The following FOXN4 variants were observed in gnomAD, a reference collection of about 807,000 sequenced individuals.
FOXN4 encodes forkhead box protein N4.
A neutral mutation model predicts 45.0 loss-of-function variants in FOXN4; 12 were observed. The ratio of observed to expected loss-of-function variants is 0.27; its 90% CI spans 0.17 to 0.43. The LOEUF (loss-of-function observed/expected upper bound fraction) is 0.43. FOXN4 is among the 20% of genes least tolerant of loss of function. The probability of loss-of-function intolerance (pLI) is 1.00; values close to 1 mark genes in which losing one functional copy is unlikely to be tolerated. For synonymous variants in FOXN4, 297 were observed against 295.0 expected, an observed-to-expected ratio of 1.01 and a Z score of -0.07; for missense variants, 560 against 694.9, an observed-to-expected ratio of 0.81 and a Z score of 2.18.
Position 109,285,276 on chromosome 12 carries a change from C to CGTGTGTGTGT in FOXN4, c.901+27_901+28insACACACACAC, listed in dbSNP as rs1565998536. 1.7e-6 allele frequency: 2 copies of CGTGTGTGTGT among 1,193,504 alleles called. 1 individual carries two copies. Among genetic ancestry groups the CGTGTGTGTGT allele is most frequent in the Non-Finnish European group, 2.3e-6 (2 of 858,322 alleles). 73.9% of individuals were successfully genotyped at this position (1,193,504 alleles called of 1,614,324 possible). ...GTGTGTGTGTGTGTGTGTGTGTGTGCGCGCACTGCGGGCTGTCCGGCCCTC... is the reference window on the plus strand; with the variant it reads ...GTGTGTGTGTGTGTGTGTGTGTGTGCGTGTGTGTGTGCGCACTGCGGGCTGTCCGGCCCTC... On this transcript the variant is annotated intron_variant, in intron 8 of 9. Transcript: ENST00000299162.
chr12:109,290,286 C>G lies in FOXN4; in HGVS notation c.87G>C (p.Arg29Ser). 1.3e-6 allele frequency: 2 copies of G among 1,546,310 alleles called. No individual in the cohort carries two copies. The highest frequency in any genetic ancestry group is 2.4e-5 in the South Asian group (2 of 83,250). The change falls in exon 3 of 10, where the codon AGG becomes AGC. Residue 29 changes from arginine (R) to serine (S), a missense_variant and splice_region_variant. Physicochemically the swap from Arg to Ser is moderately radical, Grantham distance 110. Transcript: ENST00000299162. The surrounding 1 kb of genome is among the most constrained non-coding windows in gnomAD (Gnocchi z 5.1). ...CATCATCGCTGGTGGTGGCTAGAAG[C>G]CTGCAAAGAGGAACAGAGAACTCGG... ...QNHHPSPQEY[R>S]LLATTSDDDL...
Position 109,279,540 on chromosome 12 carries a change from C to T in FOXN4, c.*131G>A, listed in dbSNP as rs1282518246. On this transcript the variant is annotated 3_prime_UTR_variant, in exon 10 of 10. Coordinates refer to ENST00000299162, the MANE Select transcript of FOXN4 (RefSeq NM_213596.3). ...GAGGGGAACCGCTTCCCTGTCCAGCCGGCAACTTCGCCACAGGTCCAGGAG... is the reference window on the plus strand; with the variant it reads ...GAGGGGAACCGCTTCCCTGTCCAGCTGGCAACTTCGCCACAGGTCCAGGAG... 14 of 1,380,858 alleles carry T rather than the reference C, an allele frequency of 1.0e-5. No individual in the cohort carries two copies. Among genetic ancestry groups the T allele is most frequent in the South Asian group, 4.3e-5 (3 of 69,908 alleles). 85.5% of individuals were successfully genotyped at this position (1,380,858 alleles called of 1,614,324 possible).
At chr12:109,293,186 C>T (rs2047785142) in intron 2 of FOXN4, among the ~76,000 whole-genome samples, 1 of 152,182 alleles carries the variant, frequency 6.6e-6, no homozygotes, top group African/African-American at 2.4e-5. Flanking sequence ...TCACTGGACC[C>T]CACCTCTTAC....
chr12:109,303,682 G>C (rs1176563187), intron 2 of FOXN4, among the ~76,000 whole-genome samples: 1 of 152,200 alleles, frequency 6.6e-6, no homozygotes, highest in Non-Finnish European at 1.5e-5. Flanking sequence ...GAGGGTCCAA[G>C]AAGCCAGAAG....
Position 109,291,528 on chromosome 12 carries a change from C to T in FOXN4, c.87-1242G>A, listed in dbSNP as rs186129306. 3.9e-5 allele frequency among the ~76,000 whole-genome samples: 6 copies of T among 152,124 alleles called. No homozygotes were observed. The highest frequency in any genetic ancestry group is 1.4e-4 in the African/African-American group (6 of 41,516). Reference sequence around the variant, plus strand: ...AGGCTCCAGCAAAGCCCGGCCCCTTCCCTCCCTCCATCTGCTTGGCCAGCT... The same window carrying T: ...AGGCTCCAGCAAAGCCCGGCCCCTTTCCTCCCTCCATCTGCTTGGCCAGCT... On this transcript the variant is annotated intron_variant, in intron 2 of 9. Coordinates refer to ENST00000299162, the MANE Select transcript of FOXN4 (RefSeq NM_213596.3). This position sits in a 1 kb window ranked among gnomAD's most constrained non-coding sequence, Gnocchi z 6.6.
Position 109,287,615 on chromosome 12 carries a change from CCA to C in FOXN4, c.469-93_469-92del, listed in dbSNP as rs2056861417. 7.0e-7 allele frequency: 1 copy of C among 1,427,140 alleles called. No individual in the cohort carries two copies. The highest frequency in any genetic ancestry group is 1.4e-5 in the African/African-American group (1 of 69,278). The allele number at this position is 1,427,140 out of a possible 1,614,324, so 88.4% of individuals were successfully genotyped here. On this transcript the variant is annotated intron_variant, in intron 5 of 9. Coordinates refer to ENST00000299162, the MANE Select transcript of FOXN4 (RefSeq NM_213596.3). This position sits in a 1 kb window ranked among gnomAD's most constrained non-coding sequence, Gnocchi z 4.1. ...CACTCACAGTAACACTGTCCCCACC[CCA>C]GTTTCAAAACACCTTGTGTGGGGAT...
At chr12:109,289,355 G>C (rs1225031942) in intron 3 of FOXN4, among the ~76,000 whole-genome samples, 1 of 152,188 alleles carries the variant, frequency 6.6e-6, no homozygotes, top group Admixed American at 6.6e-5. Context: ...GAATTGTTTT[G>C]ACAGATCAGT....
intron 2 of FOXN4, among the ~76,000 whole-genome samples, chr12:109,303,600 T>C (rs2047886469): frequency 6.6e-6 from 1 of 152,146 alleles, no homozygotes; most frequent in Admixed American, 6.5e-5. Flanking sequence ...GGGACTGAGA[T>C]TTTGGGAAGT....
intron 2 of FOXN4, among the ~76,000 whole-genome samples, chr12:109,295,105 C>T (rs1248593363): frequency 6.6e-6 from 1 of 152,130 alleles, no homozygotes; most frequent in African/African-American, 2.4e-5. Context: ...GTAATAGCCG[C>T]AATACCTCAT....
Position 109,281,635 on chromosome 12 carries a change from G to A in FOXN4, c.1066C>T (p.Leu356=). The A allele has an allele frequency of 1.2e-6, 2 of 1,611,084 alleles. No homozygotes were observed. The highest frequency in any genetic ancestry group is 1.1e-5 in the South Asian group (1 of 90,542). The change falls in exon 9 of 10, where the codon CTG becomes TTG. Residue 356 remains leucine, a synonymous_variant. Transcript: ENST00000299162. ...LPPQPLMTLS[L]QSVPLHHQVQ... is the part of the protein sequence containing the mutation. ...TGGTGGTGCAGGGGGACTGACTGCA[G>A]GGACAGGGTCATCAGTGGCTGGGGT... is the stretch of plus-strand genomic sequence containing the variant.
At position 109,286,726 on chromosome 12, in the gene FOXN4, G is replaced by A. The variant is rs747554250; in HGVS notation, c.615C>T (p.Ala205=). ...IYSYSCLIAM[A]LKNSKTGSLP... ...GGCTGCCTGTCTTGCTGTTCTTCAG[G>A]GCCATGGCGATCAGACAGCTGGGGG... Residue 205 remains alanine (A), a synonymous_variant, in exon 7 of 10, where the codon GCC becomes GCT. Transcript: ENST00000299162. 1.2e-6 allele frequency: 2 copies of A among 1,607,304 alleles called. No individual in the cohort carries two copies. The highest frequency in any genetic ancestry group is 2.2e-5 in the East Asian group (1 of 44,826).
chr12:109,279,390 G>T lies in FOXN4; in HGVS notation c.*281C>A. 2.0e-6 allele frequency: 1 copy of T among 508,818 alleles called. No homozygotes were observed. Among genetic ancestry groups the T allele is most frequent in the South Asian group, 2.3e-5 (1 of 43,542 alleles). 31.5% of individuals were successfully genotyped at this position (508,818 alleles called of 1,614,324 possible). A position where few individuals can be genotyped will look rare whatever the true frequency, so the allele number is the denominator to read the frequency against. ...AGGCATTGCGGCTCAGGCCTCGGAG[G>T]AGTGTCAAGGGGTCGGGGGATGCTG... On this transcript the variant is annotated 3_prime_UTR_variant, in exon 10 of 10. Coordinates refer to ENST00000299162, the MANE Select transcript of FOXN4 (RefSeq NM_213596.3).
At position 109,279,665 on chromosome 12, in the gene FOXN4, G is replaced by A. The variant is rs1455358842; in HGVS notation, c.*6C>T. ...CCGGGGTTCCAGGGCAGGTGAGGCT[G>A]ACAGCTCAAAGCAGGGCTATAGGCT... On this transcript the variant is annotated 3_prime_UTR_variant, in exon 10 of 10. Coordinates refer to ENST00000299162, the MANE Select transcript of FOXN4 (RefSeq NM_213596.3). 7.0e-6 allele frequency: 11 copies of A among 1,570,742 alleles called. No individual in the cohort carries two copies. Among genetic ancestry groups the A allele is most frequent in the Admixed American group, 1.9e-5 (1 of 53,602 alleles).
chr12:109,294,548 C>A (rs1188092679), intron 2 of FOXN4, among the ~76,000 whole-genome samples: 1 of 152,172 alleles, frequency 6.6e-6, no homozygotes, highest in Admixed American at 6.5e-5. Context: ...AGAATGTCCA[C>A]CTCAGTGCAC....
rs1377409962 is a variant in FOXN4 at position 109,304,293 on chromosome 12, AAGG to A, written c.86+3940_86+3942del. 8.6e-4 allele frequency among the ~76,000 whole-genome samples: 38 copies of A among 44,260 alleles called. 1 individual carries two copies. The highest frequency in any genetic ancestry group is 0.014 in the Middle Eastern group (1 of 74). 29.0% of individuals were successfully genotyped at this position (44,260 alleles called of 152,430 possible). ...AAAGAAAGAAAGAAAGAAAGAAAGA[AAGG>A]AGAAAGAAAGAAGGAAAGAAGGAAA... On this transcript the variant is annotated intron_variant, in intron 2 of 9. Coordinates refer to ENST00000299162, the MANE Select transcript of FOXN4 (RefSeq NM_213596.3).
At position 109,278,768 on chromosome 12, in the gene FOXN4, G is replaced by GT. The variant is rs2047627003; in HGVS notation, c.*902dup. The GT allele has an allele frequency of 1.3e-5, 2 of 152,134 alleles. No individual in the cohort carries two copies. Among genetic ancestry groups the GT allele is most frequent in the African/African-American group, 4.8e-5 (2 of 41,410 alleles). 9.4% of individuals were successfully genotyped at this position (152,134 alleles called of 1,614,324 possible). ...AAGAAGAGATGTGAATCATGAACAGGTAGAAAAATATCTGGTCTCTAATAC... is the reference window on the plus strand; with the variant it reads ...AAGAAGAGATGTGAATCATGAACAGGTTAGAAAAATATCTGGTCTCTAATAC... On this transcript the variant is annotated 3_prime_UTR_variant, in exon 10 of 10. Transcript: ENST00000299162.
rs2047740067 is a variant in FOXN4 at position 109,288,821 on chromosome 12, G to A, written c.233-641C>T. Among the ~76,000 whole-genome samples, 1 of 152,206 alleles carries A rather than the reference G, an allele frequency of 6.6e-6. No homozygotes were observed. The highest frequency in any genetic ancestry group is 2.1e-4 in the South Asian group (1 of 4,830). ...CAAAGTTGACCTGCAGGATGGTCTT[G>A]CCCTAGGGCCACCTCTTCCAGGAAG... is the stretch of plus-strand genomic sequence containing the variant. On this transcript the variant is annotated intron_variant, in intron 3 of 9. Coordinates refer to ENST00000299162, the MANE Select transcript of FOXN4 (RefSeq NM_213596.3). This position sits in a 1 kb window ranked among gnomAD's most constrained non-coding sequence, Gnocchi z 4.3.
chr12:109,297,045 G>A (rs1413708659), intron 2 of FOXN4, among the ~76,000 whole-genome samples: 1 of 152,252 alleles, frequency 6.6e-6, no homozygotes, highest in African/African-American at 2.4e-5. Context: ...CCAGGGAGCT[G>A]TGGAACCAGG....
At chr12:109,282,755 CTA>C (rs754061284) in intron 8 of FOXN4, among the ~76,000 whole-genome samples, 2 of 152,158 alleles carry the variant, frequency 1.3e-5, no homozygotes, top group Non-Finnish European at 2.9e-5. Context: ...TGATTAATGG[CTA>C]TGTCTTGTTG....
Sources: allele counts gnomAD v4.1 joint callset (sites outside exome capture counted in the v4.1 genomes callset), GRCh38; gene constraint gnomAD v4.1.1; non-coding constraint Gnocchi (gnomAD v3.1); transcripts MANE v1.5; gene names NCBI Gene and HGNC (gene_info 2026-07-23, HGNC 2026-07-21).